Variants in ARHGAP22 observed in about 807,000 individuals in gnomAD.
ARHGAP22 encodes the protein rho GTPase-activating protein 22.
Under a neutral mutation model 59.1 loss-of-function variants are expected in ARHGAP22, and 48 were observed. The observed-to-expected ratio is 0.81, with a 90% confidence interval of 0.64 to 1.03. ARHGAP22 has a LOEUF of 1.03. ARHGAP22 is among the 50% of genes least tolerant of loss of function. ARHGAP22 has a pLI of 0.00. For missense variants in ARHGAP22, 1,015 were observed against 958.7 expected (o/e 1.06, Z -0.78); for synonymous variants, 445 against 416.4 (o/e 1.07, Z -0.84).
At chr10:48,496,932 T>C (rs2050998251) in intron 3 of ARHGAP22, among the ~76,000 whole-genome samples, 1 of 152,226 alleles carries the variant, frequency 6.6e-6, no homozygotes, top group East Asian at 1.9e-4. Context: ...TCTCAGGTCC[T>C]AGCTCAGAGT....
At chr10:48,586,601 G>C (rs1289745710) in intron 1 of ARHGAP22, among the ~76,000 whole-genome samples, 2 of 152,198 alleles carry the variant, frequency 1.3e-5, no homozygotes, top group Non-Finnish European at 2.9e-5. Context: ...GCATTTGGCT[G>C]TATTACACCA....
At chr10:48,637,327 G>A (rs1028613573) in intron 1 of ARHGAP22, among the ~76,000 whole-genome samples, 2 of 152,210 alleles carry the variant, frequency 1.3e-5, no homozygotes, top group Non-Finnish European at 2.9e-5. Context: ...GGCCGACAGG[G>A]GACACAGGTA....
chr10:48,467,793 A>C (rs896028151), intron 4 of ARHGAP22, among the ~76,000 whole-genome samples: 2 of 152,182 alleles, frequency 1.3e-5, no homozygotes, highest in African/African-American at 4.8e-5. Context: ...TGTCATTTGC[A>C]AGGTGCTTAC....
chr10:48,430,016 G>A, the ARHGAP22 span: 9 of 152,274 alleles, frequency 5.9e-5, no homozygotes, highest in East Asian at 1.7e-3. Context: ...GGTTAAGTGT[G>A]GTGTGCCCTG....
intron 8 of ARHGAP22, chr10:48,451,745 C>T (rs1452241739): frequency 3.3e-6 from 2 of 600,906 alleles, no homozygotes; most frequent in Non-Finnish European, 5.9e-6. Context: ...ACAATGCACC[C>T]ACCCAGCCTC....
intron 2 of ARHGAP22, among the ~76,000 whole-genome samples, chr10:48,561,088 A>G (rs191116852): frequency 9.5e-4 from 144 of 152,280 alleles, no homozygotes; most frequent in Non-Finnish European, 1.8e-3. Flanking sequence ...ATTTCAAGAC[A>G]TTGTAAAGCT....
chr10:48,460,934 A>C (rs984314084), intron 4 of ARHGAP22, among the ~76,000 whole-genome samples: 2 of 152,238 alleles, frequency 1.3e-5, no homozygotes, highest in African/African-American at 4.8e-5. Flanking sequence ...GGAGTATTCA[A>C]ATTCACAGAC....
At chr10:48,452,381 G>A (rs2046060660) in intron 8 of ARHGAP22, among the ~76,000 whole-genome samples, 1 of 152,182 alleles carries the variant, frequency 6.6e-6, no homozygotes, top group Admixed American at 6.5e-5. Flanking sequence ...GGTGAAGCAG[G>A]AACTCCATGA....
At chr10:48,559,006 G>T (rs2057506452) in intron 2 of ARHGAP22, among the ~76,000 whole-genome samples, 1 of 152,240 alleles carries the variant, frequency 6.6e-6, no homozygotes, top group Admixed American at 6.5e-5. Flanking sequence ...GTTTTGCCAA[G>T]ATTCTGTGCT....
At chr10:48,647,577 A>G (rs2136195558) in intron 1 of ARHGAP22, among the ~76,000 whole-genome samples, 1 of 123,688 alleles carries the variant, frequency 8.1e-6, no homozygotes, top group Admixed American at 9.0e-5. Context: ...AAACATTGGG[A>G]CCCTTATGTA....
intron 1 of ARHGAP22, among the ~76,000 whole-genome samples, chr10:48,584,926 G>A (rs548231199): frequency 2.0e-5 from 3 of 151,370 alleles, no homozygotes; most frequent in South Asian, 2.1e-4. Context: ...TCCGGGAGGC[G>A]GAGCTTGCAG....
At chr10:48,580,933 TAAAA>T (rs3076348) in intron 2 of ARHGAP22, among the ~76,000 whole-genome samples, 52 of 147,784 alleles carry the variant, frequency 3.5e-4, no homozygotes, top group Non-Finnish European at 3.4e-4. Context: ...CAATCTAAAG[TAAAA>T]AAAAAAAAAA....
intron 2 of ARHGAP22, chr10:48,575,030 T>A (rs1458495610): frequency 1.3e-5 from 2 of 152,236 alleles, no homozygotes; most frequent in Non-Finnish European, 2.9e-5. Context: ...ACCATCTTCT[T>A]GGTGCTGTCC....
At chr10:48,493,235 A>G (rs1188899311) in intron 3 of ARHGAP22, among the ~76,000 whole-genome samples, 2 of 152,194 alleles carry the variant, frequency 1.3e-5, no homozygotes, top group African/African-American at 4.8e-5. Context: ...AGGTTCCTGC[A>G]CAGGATCCCT....
At chr10:48,457,318 C>A (rs1217722905) in intron 5 of ARHGAP22, among the ~76,000 whole-genome samples, 1 of 152,196 alleles carries the variant, frequency 6.6e-6, no homozygotes, top group Non-Finnish European at 1.5e-5. Flanking sequence ...CTGCTTCACC[C>A]CACCTGGGTG....
rs557374211 is a variant in ARHGAP22 at position 48,450,680 on chromosome 10, C to T, written c.1449G>A (p.Ser483=). 6 of 1,550,986 alleles carry T rather than the reference C, an allele frequency of 3.9e-6. No homozygotes were observed. Among genetic ancestry groups the T allele is most frequent in the Admixed American group, 2.0e-5 (1 of 51,126 alleles). Residue 483 remains serine (S), a synonymous_variant, in exon 9 of 10, where the codon TCG becomes TCA. Coordinates refer to ENST00000249601, the MANE Select transcript of ARHGAP22 (RefSeq NM_021226.4). ...RASSGDRLKD[S]GSVQRLSTYD... is the part of the protein sequence containing the mutation. ...AGGTGGAGAGTCTCTGCACGGAGCCCGAGTCCTTGAGCCGGTCTCCCGACG... is the reference window on the plus strand; with the variant it reads ...AGGTGGAGAGTCTCTGCACGGAGCCTGAGTCCTTGAGCCGGTCTCCCGACG...
At chr10:48,578,329 T>G (rs1168604656) in intron 2 of ARHGAP22, among the ~76,000 whole-genome samples, 4 of 152,330 alleles carry the variant, frequency 2.6e-5, no homozygotes, top group African/African-American at 7.2e-5. Flanking sequence ...TCTGTTTTCC[T>G]GCATCCAGAA....
chr10:48,547,958 G>C (rs2056588699), intron 3 of ARHGAP22, among the ~76,000 whole-genome samples: 1 of 152,234 alleles, frequency 6.6e-6, no homozygotes, highest in Non-Finnish European at 1.5e-5. Context: ...AGGCACCCAA[G>C]TTCCTTTGGA....
upstream of ARHGAP22, among the ~76,000 whole-genome samples, chr10:48,654,858 T>C (rs2062712430): frequency 6.9e-6 from 1 of 145,124 alleles, no homozygotes. Flanking sequence ...CTTTTCTTTC[T>C]CTTTCTTTCC....
Sources: gnomAD v4.1 joint callset for allele counts (sites outside exome capture counted in the v4.1 genomes callset) on GRCh38, gnomAD v4.1.1 for gene constraint, MANE v1.5 for transcripts, NCBI Gene and HGNC (gene_info 2026-07-23, HGNC 2026-07-21) for gene names.